Variants in LRRC36 observed in about 807,000 individuals in gnomAD.
LRRC36 encodes leucine-rich repeat-containing protein 36.
LRRC36 carries 62 observed loss-of-function variants against 81.1 expected under a neutral mutation model. The observed-to-expected ratio is 0.76, with a 90% confidence interval of 0.62 to 0.94. LRRC36 has a LOEUF of 0.94. Ranked by LOEUF, LRRC36 falls within the 40% of genes least tolerant of loss-of-function variation. The pLI, the probability that LRRC36 is intolerant of heterozygous loss-of-function variation, is 0.00. For missense variants in LRRC36, 761 were observed against 881.7 expected, an observed-to-expected ratio of 0.86 and a Z score of 1.73; for synonymous variants, 334 against 348.6, an observed-to-expected ratio of 0.96 and a Z score of 0.47.
chr16:67,347,298 C>A (rs2038396495), intron 3 of LRRC36, 197 bp from the exon 4 acceptor site: 1 of 985,604 alleles, frequency 1.0e-6, no homozygotes, highest in Non-Finnish European at 1.4e-6. Flanking sequence ...GCAGTGGTCG[C>A]TATGGCTTCC....
At chr16:67,380,488 C>G (rs1309490888) in intron 12 of LRRC36, among the ~76,000 whole-genome samples, 1 of 152,190 alleles carries the variant, frequency 6.6e-6, no homozygotes, top group Non-Finnish European at 1.5e-5. Flanking sequence ...TTGCGCTTGA[C>G]AGACTAGCTT....
At chr16:67,365,265 A>G (rs376002827) in intron 6 of LRRC36, 39 bp from the exon 7 acceptor site, 18 of 1,438,530 alleles carry the variant, frequency 1.3e-5, no homozygotes, top group African/African-American at 4.2e-5. Flanking sequence ...TTGAACGCGC[A>G]TGGACTTCCT....
chr16:67,340,769 C>G (rs894109752), intron 1 of LRRC36, among the ~76,000 whole-genome samples: 1 of 145,992 alleles, frequency 6.8e-6, no homozygotes, highest in African/African-American at 2.6e-5. Flanking sequence ...AGAATATATA[C>G]CACATATACT....
chr16:67,358,733 T>A (rs1046101723), intron 5 of LRRC36, among the ~76,000 whole-genome samples: 2 of 152,058 alleles, frequency 1.3e-5, no homozygotes, highest in African/African-American at 4.8e-5. Flanking sequence ...GCAGAGAATT[T>A]GAATAGACAT....
chr16:67,371,606 G>A (rs540059334), intron 9 of LRRC36: 12 of 310,424 alleles, frequency 3.9e-5, no homozygotes, highest in East Asian at 1.6e-4. Flanking sequence ...GCACAGTGGC[G>A]CATGCCTGTA....
chr16:67,332,811 GT>G (rs2037559820), intron 1 of LRRC36, among the ~76,000 whole-genome samples: 1 of 151,988 alleles, frequency 6.6e-6, no homozygotes, highest in Non-Finnish European at 1.5e-5. Flanking sequence ...CTCTCAGGGT[GT>G]TAGATCATAA....
intron 5 of LRRC36, among the ~76,000 whole-genome samples, chr16:67,356,545 A>T (rs11859352): frequency 1.3e-5 from 2 of 152,054 alleles, no homozygotes; most frequent in African/African-American, 2.4e-5. Context: ...AAAGAAGTGC[A>T]TATCTACTGG....
intron 6 of LRRC36, 95 bp downstream of exon 6, chr16:67,363,809 A>G: frequency 2.1e-6 from 3 of 1,417,474 alleles, no homozygotes; most frequent in Non-Finnish European, 2.9e-6. Context: ...GTCTCAGAGG[A>G]CTTGTTTGAT....
chr16:67,360,727 G>A (rs1376265801), intron 5 of LRRC36, among the ~76,000 whole-genome samples: 1 of 152,214 alleles, frequency 6.6e-6, no homozygotes, highest in Non-Finnish European at 1.5e-5. Context: ...GCCTCAGATG[G>A]ATGGAGGGGC....
intron 13 of LRRC36, 96 bp from the exon 14 acceptor site, chr16:67,384,774 T>C (rs1038645049): frequency 1.7e-5 from 14 of 807,164 alleles, no homozygotes; most frequent in Admixed American, 8.7e-5. Flanking sequence ...AAGATGTGAC[T>C]TCATTTCACA....
In LRRC36 at chr16:67,334,481, T is replaced by C. The variant is rs548210972; in HGVS notation, c.71-7476T>C. Among the ~76,000 whole-genome samples, 4 of 152,178 alleles carry C rather than the reference T, an allele frequency of 2.6e-5. No individual in the cohort carries two copies. In the South Asian group the frequency reaches 6.2e-4, roughly 24 times the overall value. On this transcript the variant is annotated intron_variant, in intron 1 of 13. Coordinates refer to ENST00000329956, the MANE Select transcript of LRRC36 (RefSeq NM_018296.6). ...CTGGGACTGCAGGCGTGTGCCACCA[T>C]GCCTGGCTGATTTTTGTATTTTTAG...
chr16:67,336,612 G>T (rs1026762641), intron 1 of LRRC36: 1 of 151,988 alleles, frequency 6.6e-6, no homozygotes, highest in Non-Finnish European at 1.5e-5. Flanking sequence ...GGAGTGTCTG[G>T]TTTGGGGTTT....
chr16:67,350,435 ATCC>A, intron 5 of LRRC36, 145 bp downstream of exon 5: 1 of 703,056 alleles, frequency 1.4e-6, no homozygotes, highest in Admixed American at 2.5e-5. Context: ...TTTTTCTTCC[ATCC>A]TCTCACTGCC....
At chr16:67,356,106 C>T (rs1050085991) in intron 5 of LRRC36, among the ~76,000 whole-genome samples, 2 of 152,012 alleles carry the variant, frequency 1.3e-5, no homozygotes, top group African/African-American at 4.8e-5. Flanking sequence ...TTGAAACAAC[C>T]TAACTCACTC....
intron 2 of LRRC36, among the ~76,000 whole-genome samples, chr16:67,343,756 A>C (rs1247073481): frequency 6.6e-6 from 1 of 151,866 alleles, no homozygotes; most frequent in Non-Finnish European, 1.5e-5. Flanking sequence ...CTCCTGGTAC[A>C]GTGCTTGGCA....
intron 8 of LRRC36, among the ~76,000 whole-genome samples, chr16:67,369,219 G>T (rs3887367): frequency 0.084 from 12,727 of 152,196 alleles, 1,758 homozygotes; most frequent in African/African-American, 0.29. Flanking sequence ...TCTGAGGACT[G>T]GTCCTGAGCC....
At chr16:67,377,814 T>C (rs2142166264) in intron 11 of LRRC36, among the ~76,000 whole-genome samples, 1 of 151,962 alleles carries the variant, frequency 6.6e-6, no homozygotes, top group Non-Finnish European at 1.5e-5. Flanking sequence ...TTTGTATTTT[T>C]AGTAGAGACA....
At chr16:67,339,584 TAC>T (rs1174416651) in intron 1 of LRRC36, among the ~76,000 whole-genome samples, 2 of 152,220 alleles carry the variant, frequency 1.3e-5, no homozygotes, top group Non-Finnish European at 1.5e-5. Context: ...TAAGTTTTCT[TAC>T]ACTTAGGTGG....
chr16:67,363,127 G>C (rs988693804), intron 5 of LRRC36, among the ~76,000 whole-genome samples: 2 of 152,142 alleles, frequency 1.3e-5, no homozygotes, highest in Non-Finnish European at 1.5e-5. Flanking sequence ...GCAGAAAAAG[G>C]CTAGTTTGAA....
Sources: gnomAD v4.1 joint callset for allele counts (sites outside exome capture counted in the v4.1 genomes callset) on GRCh38, gnomAD v4.1.1 for gene constraint, MANE v1.5 for transcripts, NCBI Gene and HGNC (gene_info 2026-07-23, HGNC 2026-07-21) for gene names.